Variants in MCHR2 observed in about 807,000 individuals in gnomAD.
The protein encoded by MCHR2 is melanin concentrating hormone receptor 2.
A neutral mutation model predicts 24.8 loss-of-function variants in MCHR2; 15 were observed. The observed-to-expected ratio is 0.60, with a 90% confidence interval of 0.40 to 0.93. The LOEUF (loss-of-function observed/expected upper bound fraction) is 0.93. Among genes scored for constraint, MCHR2 ranks in the 40% least tolerant of loss-of-function variants. The pLI, the probability that MCHR2 is intolerant of heterozygous loss-of-function variation, is 0.00. For synonymous variants in MCHR2, 151 were observed against 147.6 expected, an observed-to-expected ratio of 1.02 and a Z score of -0.17; for missense variants, 386 against 408.7, an observed-to-expected ratio of 0.94 and a Z score of 0.48.
Position 99,956,023 on chromosome 6 carries a change from C to T in MCHR2, c.125G>A (p.Gly42Glu), listed in dbSNP as rs150540533. ...AACCAGCCCTGTTGAACAGATAATCCCAATCATGGAAGGGAGGATGACTGT... is the reference window on the plus strand; with the variant it reads ...AACCAGCCCTGTTGAACAGATAATCTCAATCATGGAAGGGAGGATGACTGT... ...VDTVILPSMI[G>E]IICSTGLVGN... Residue 42 changes from glycine (G) to glutamate (E), a missense_variant, in exon 2 of 6, where the codon GGG becomes GAG. Gly to Glu is a moderately conservative substitution (Grantham distance 98). Coordinates refer to ENST00000281806, the MANE Select transcript of MCHR2 (RefSeq NM_001040179.2). The T allele has an allele frequency of 6.2e-7, 1 of 1,612,744 alleles. No individual in the cohort carries two copies. The highest frequency in any genetic ancestry group is 8.5e-7 in the Non-Finnish European group (1 of 1,179,416).
chr6:99,974,961 T>C (rs1345440047), intron 1 of MCHR2, among the ~76,000 whole-genome samples: 1 of 152,172 alleles, frequency 6.6e-6, no homozygotes. Context: ...TACCTGGCCA[T>C]GTGAGGTGTC....
chr6:99,982,247 T>G (rs185285882), intron 1 of MCHR2, among the ~76,000 whole-genome samples: 2 of 152,072 alleles, frequency 1.3e-5, no homozygotes, highest in Admixed American at 1.3e-4. Flanking sequence ...CCTCCTAAAT[T>G]AAGCCTCAGT....
At chr6:99,934,190 T>C (rs1029918302) in intron 5 of MCHR2, among the ~76,000 whole-genome samples, 6 of 152,132 alleles carry the variant, frequency 3.9e-5, no homozygotes, top group African/African-American at 1.2e-4. Context: ...CCATTACATC[T>C]GTGATTTCAA....
chr6:99,975,540 G>A (rs548909568), intron 1 of MCHR2, among the ~76,000 whole-genome samples: 21 of 152,174 alleles, frequency 1.4e-4, no homozygotes, highest in Non-Finnish European at 2.8e-4. Context: ...GCAATGCCTC[G>A]CCCTGCTTCA....
chr6:99,950,653 A>G (rs374153096), intron 2 of MCHR2, among the ~76,000 whole-genome samples: 8 of 152,316 alleles, frequency 5.3e-5, no homozygotes, highest in African/African-American at 1.7e-4. Flanking sequence ...CATAATGTGT[A>G]TAGCATGACT....
At chr6:99,921,686 T>A (rs1281887107) in intron 5 of MCHR2, among the ~76,000 whole-genome samples, 1 of 152,230 alleles carries the variant, frequency 6.6e-6, no homozygotes. Flanking sequence ...ATAGTCACCT[T>A]GTTGTGCTAT....
intron 1 of MCHR2, among the ~76,000 whole-genome samples, chr6:99,968,199 A>G (rs952199538): frequency 2.0e-5 from 3 of 152,166 alleles, no homozygotes; most frequent in African/African-American, 7.2e-5. Context: ...GAACTGTAGG[A>G]ATGAGTTGTG....
intron 1 of MCHR2, among the ~76,000 whole-genome samples, chr6:99,981,710 A>G (rs1316373102): frequency 6.6e-6 from 1 of 152,124 alleles, no homozygotes; most frequent in Admixed American, 6.6e-5. Flanking sequence ...TATTAATTTC[A>G]TATCTGTGCT....
chr6:99,982,456 T>G (rs1775687518), intron 1 of MCHR2, among the ~76,000 whole-genome samples: 1 of 123,136 alleles, frequency 8.1e-6, no homozygotes, highest in African/African-American at 3.2e-5. Flanking sequence ...TGGAGAAACC[T>G]TGTCTGTACA....
chr6:99,982,009 G>A (rs149298063), intron 1 of MCHR2, among the ~76,000 whole-genome samples: 2 of 152,110 alleles, frequency 1.3e-5, no homozygotes, highest in African/African-American at 2.4e-5. Flanking sequence ...TATCCCTCCC[G>A]ACAACTTCCC....
chr6:99,990,781 A>G (rs1205953064), intron 1 of MCHR2, among the ~76,000 whole-genome samples: 1 of 151,010 alleles, frequency 6.6e-6, no homozygotes, highest in Non-Finnish European at 1.5e-5. Flanking sequence ...TTTTTTTCTT[A>G]TCTTCCTGCC....
At chr6:99,992,134 A>AG (rs1478468868) in intron 1 of MCHR2, among the ~76,000 whole-genome samples, 8 of 152,216 alleles carry the variant, frequency 5.3e-5, no homozygotes, top group African/African-American at 1.9e-4. Context: ...CGGAAGGCAG[A>AG]GGCATCCCGG....
At chr6:99,927,607 G>T (rs1210308768) in intron 5 of MCHR2, among the ~76,000 whole-genome samples, 1 of 151,978 alleles carries the variant, frequency 6.6e-6, no homozygotes, top group Admixed American at 6.6e-5. Context: ...AATTGTGAAT[G>T]GGAGTTCACT....
chr6:99,947,035 A>T (rs1180727365), intron 3 of MCHR2, among the ~76,000 whole-genome samples: 1 of 152,104 alleles, frequency 6.6e-6, no homozygotes, highest in Admixed American at 6.6e-5. Flanking sequence ...TCTGAACTGG[A>T]TTCTACCACT....
intron 1 of MCHR2, among the ~76,000 whole-genome samples, chr6:99,961,880 C>T (rs1442103617): frequency 6.6e-6 from 1 of 151,944 alleles, no homozygotes; most frequent in Non-Finnish European, 1.5e-5. Context: ...ATATGAAAAT[C>T]ATGTCAAGTA....
intron 1 of MCHR2, among the ~76,000 whole-genome samples, chr6:99,969,252 G>A (rs181272208): frequency 2.5e-3 from 374 of 152,078 alleles, no homozygotes; most frequent in Non-Finnish European, 3.9e-3. Flanking sequence ...GAGGCGGGAG[G>A]ATCACGATGT....
chr6:99,927,160 A>C (rs977662476), intron 5 of MCHR2, among the ~76,000 whole-genome samples: 1 of 152,108 alleles, frequency 6.6e-6, no homozygotes, highest in Admixed American at 6.5e-5. Flanking sequence ...ATGCAGTGTT[A>C]TTTCTGAGGG....
At chr6:99,987,910 T>G (rs931258655) in intron 1 of MCHR2, among the ~76,000 whole-genome samples, 5 of 152,156 alleles carry the variant, frequency 3.3e-5, no homozygotes, top group Non-Finnish European at 7.4e-5. Context: ...AACAAGAGAC[T>G]AACAAGTCTA....
At chr6:99,978,114 G>A (rs566478837) in intron 1 of MCHR2, among the ~76,000 whole-genome samples, 2 of 152,184 alleles carry the variant, frequency 1.3e-5, no homozygotes, top group African/African-American at 4.8e-5. Context: ...GGGCCTCTCT[G>A]GCAGGGCCAC....
Sources: allele counts gnomAD v4.1 joint callset (sites outside exome capture counted in the v4.1 genomes callset), GRCh38; gene constraint gnomAD v4.1.1; transcripts MANE v1.5; gene names NCBI Gene and HGNC (gene_info 2026-07-23, HGNC 2026-07-21).